Variants in HNRNPD observed in about 807,000 individuals in gnomAD.
The protein encoded by HNRNPD is heterogeneous nuclear ribonucleoprotein D0.
Under a neutral mutation model 47.9 loss-of-function variants are expected in HNRNPD, and 3 were observed. The ratio of observed to expected loss-of-function variants is 0.06; its 90% CI spans 0.03 to 0.16. The LOEUF (loss-of-function observed/expected upper bound fraction) is 0.16, where lower values mean the gene tolerates loss of function less well. HNRNPD is among the 10% of genes least tolerant of loss of function. The pLI is 1.00. For synonymous variants in HNRNPD, 171 were observed against 165.1 expected (o/e 1.04, Z -0.28); for missense variants, 287 against 454.2 (o/e 0.63, Z 3.35).
At chr4:82,365,181 A>G (rs1560437454) in intron 2 of HNRNPD, among the ~76,000 whole-genome samples, 1 of 152,124 alleles carries the variant, frequency 6.6e-6, no homozygotes, top group African/African-American at 2.4e-5. Context: ...ACACCCAGCC[A>G]ATCCTTTAAC....
intron 2 of HNRNPD, among the ~76,000 whole-genome samples, chr4:82,367,625 A>G (rs1175307244): frequency 6.6e-6 from 1 of 152,150 alleles, no homozygotes; most frequent in Non-Finnish European, 1.5e-5. Context: ...GGTAGTCTGA[A>G]GTCTAGATAA....
chr4:82,367,261 G>C (rs189582154), intron 2 of HNRNPD, among the ~76,000 whole-genome samples: 129 of 152,072 alleles, frequency 8.5e-4, no homozygotes, highest in African/African-American at 2.9e-3. Flanking sequence ...CTCTCAATCA[G>C]CTTTGTAAGG....
intron 7 of HNRNPD, chr4:82,356,087 T>C (rs1723700882): frequency 6.5e-6 from 1 of 154,120 alleles, no homozygotes; most frequent in African/African-American, 2.4e-5. Flanking sequence ...GTCAAGTTTT[T>C]TGGTTCTATC....
In HNRNPD at chr4:82,354,049, T is replaced by C. The variant is rs1218358050; in HGVS notation, c.*136A>G. On this transcript the variant is annotated 3_prime_UTR_variant, in exon 9 of 9. Coordinates refer to ENST00000313899, the MANE Select transcript of HNRNPD (RefSeq NM_031370.3). ...ACTTCAGAGGGACCCAACGTCATAC[T>C]TCCATTCAGGGACTTGATACAAAAA... 6.5e-6 allele frequency: 1 copy of C among 152,682 alleles called. No homozygotes were observed. The highest frequency in any genetic ancestry group is 1.5e-5 in the Non-Finnish European group (1 of 68,042). 9.5% of individuals were successfully genotyped at this position (152,682 alleles called of 1,614,324 possible). A position where few individuals can be genotyped will look rare whatever the true frequency, so the allele number is the denominator to read the frequency against.
chr4:82,359,148 ATTCAG>A (rs1463229898), intron 3 of HNRNPD, among the ~76,000 whole-genome samples: 1 of 152,216 alleles, frequency 6.6e-6, no homozygotes, highest in Non-Finnish European at 1.5e-5. Context: ...CAAAATAATG[ATTCAG>A]TTAAAAGTTG....
At chr4:82,370,301 G>T in intron 2 of HNRNPD, among the ~76,000 whole-genome samples, 1 of 152,280 alleles carries the variant, frequency 6.6e-6, no homozygotes, top group Middle Eastern at 3.4e-3. Context: ...CAGGTCAAGT[G>T]TAATTACTTC....
chr4:82,373,214 G>GTGGCTGC, intron 1 of HNRNPD: 1 of 716,422 alleles, frequency 1.4e-6, no homozygotes. Context: ...GCAGCATGGT[G>GTGGCTGC]ACGGCTAAAG....
intron 2 of HNRNPD, among the ~76,000 whole-genome samples, chr4:82,365,514 T>C (rs987715677): frequency 6.6e-6 from 1 of 152,040 alleles, no homozygotes; most frequent in African/African-American, 2.4e-5. Flanking sequence ...ATTTTACAAG[T>C]TGTATGAAAA....
intron 2 of HNRNPD, among the ~76,000 whole-genome samples, chr4:82,370,975 T>TACACACAC (rs1490020615): frequency 2.7e-5 from 1 of 37,692 alleles, no homozygotes; most frequent in African/African-American, 9.3e-5. Flanking sequence ...TTTAATGGTA[T>TACACACAC]ATATATACAC....
intron 3 of HNRNPD, 91 bp downstream of exon 3, chr4:82,359,380 G>A (rs941841361): frequency 3.5e-6 from 3 of 846,568 alleles, no homozygotes; most frequent in African/African-American, 3.5e-5. Context: ...CTATCAAAAT[G>A]GGGAACCACA....
At chr4:82,363,219 G>A (rs979436668) in intron 2 of HNRNPD, among the ~76,000 whole-genome samples, 6 of 151,890 alleles carry the variant, frequency 4.0e-5, no homozygotes, top group African/African-American at 1.5e-4. Flanking sequence ...TGGGATAACA[G>A]GTGCATGCCA....
chr4:82,368,152 TTACTC>T (rs1385952129), intron 2 of HNRNPD, among the ~76,000 whole-genome samples: 14 of 152,258 alleles, frequency 9.2e-5, no homozygotes, highest in South Asian at 2.1e-4. Context: ...GGAAAAAAAA[TTACTC>T]TATTCCTTTT....
At chr4:82,370,796 G>C (rs1462022548) in intron 2 of HNRNPD, among the ~76,000 whole-genome samples, 1 of 152,076 alleles carries the variant, frequency 6.6e-6, no homozygotes, top group Non-Finnish European at 1.5e-5. Flanking sequence ...GACATTTAGG[G>C]GAGGGGAAAG....
chr4:82,372,506 C>T (rs968550544), intron 1 of HNRNPD, among the ~76,000 whole-genome samples: 1 of 152,048 alleles, frequency 6.6e-6, no homozygotes, highest in African/African-American at 2.4e-5. Context: ...AAAATAGGAT[C>T]CTGGGCACCG....
At chr4:82,363,212 G>A (rs1242333342) in intron 2 of HNRNPD, among the ~76,000 whole-genome samples, 1 of 151,912 alleles carries the variant, frequency 6.6e-6, no homozygotes, top group African/African-American at 2.4e-5. Context: ...GAGTAGCTGG[G>A]ATAACAGGTG....
At position 82,358,641 on chromosome 4, in the gene HNRNPD, A is replaced by T. The variant is rs763546139; in HGVS notation, c.621+18T>A. On this transcript the variant is annotated intron_variant, in intron 4 of 8. Coordinates refer to ENST00000313899, the MANE Select transcript of HNRNPD (RefSeq NM_031370.3). ...CACTAATTTTGACATAAACTGGGTC[A>T]AAACATTTATAACATACCTCACCAA... The T allele has an allele frequency of 1.3e-5, 21 of 1,593,714 alleles. No homozygotes were observed. In the South Asian group the frequency reaches 2.2e-4, roughly 16 times the overall value.
intron 2 of HNRNPD, among the ~76,000 whole-genome samples, chr4:82,368,297 T>C (rs1265021991): frequency 1.3e-5 from 2 of 152,142 alleles, no homozygotes; most frequent in Non-Finnish European, 2.9e-5. Context: ...CAAAATGTTC[T>C]CGTATTAGGG....
intron 3 of HNRNPD, among the ~76,000 whole-genome samples, 181 bp from the exon 4 acceptor site, chr4:82,359,001 AAAGGT>A (rs1285842648): frequency 2.0e-5 from 3 of 152,192 alleles, no homozygotes; most frequent in African/African-American, 7.2e-5. Context: ...GTTTAAATCT[AAAGGT>A]AAGAATGGTA....
chr4:82,373,689 T>A lies in HNRNPD; in HGVS notation c.-11A>T, dbSNP rs1391098416. 6 of 1,526,368 alleles carry A rather than the reference T, an allele frequency of 3.9e-6. No individual in the cohort carries two copies. The African/African-American group carries it at 8.4e-5, about 21-fold the overall frequency. 94.6% of individuals were successfully genotyped at this position (1,526,368 alleles called of 1,614,324 possible). On this transcript the variant is annotated 5_prime_UTR_variant, in exon 1 of 9. Coordinates refer to ENST00000313899, the MANE Select transcript of HNRNPD (RefSeq NM_031370.3). ...CTGCTCCTCCGACATAGTGCTAGTGTCTCCGCCGCTGCCGCCGAGACTACA... is the reference window on the plus strand; with the variant it reads ...CTGCTCCTCCGACATAGTGCTAGTGACTCCGCCGCTGCCGCCGAGACTACA...
Sources: allele counts gnomAD v4.1 joint callset (sites outside exome capture counted in the v4.1 genomes callset), GRCh38; gene constraint gnomAD v4.1.1; transcripts MANE v1.5; gene names NCBI Gene and HGNC (gene_info 2026-07-23, HGNC 2026-07-21).